Variants in SVEP1 observed in about 807,000 individuals in gnomAD.
The protein encoded by SVEP1 is sushi, von Willebrand factor type A, EGF and pentraxin domain containing 1.
SVEP1 carries 164 observed loss-of-function variants against 367.3 expected under a neutral mutation model. The ratio of observed to expected loss-of-function variants is 0.45; its 90% CI spans 0.39 to 0.51. The LOEUF is 0.51. Among genes scored for constraint, SVEP1 ranks in the 20% least tolerant of loss-of-function variants. SVEP1 has a pLI of 0.00. For synonymous variants in SVEP1, 1,666 were observed against 1,611.6 expected, an observed-to-expected ratio of 1.03 and a Z score of -0.81; for missense variants, 4,117 against 4,425.3, an observed-to-expected ratio of 0.93 and a Z score of 1.98.
chr9:110,430,547 T>A, intron 32 of SVEP1, 97 bp from the exon 33 acceptor site: 1 of 1,325,476 alleles, frequency 7.5e-7, no homozygotes, highest in Non-Finnish European at 1.0e-6. Context: ...AGAAACCTGT[T>A]AAAATCGCAA....
At chr9:110,447,955 G>C (rs554247112) in intron 24 of SVEP1, among the ~76,000 whole-genome samples, 1 of 119,742 alleles carries the variant, frequency 8.4e-6, no homozygotes, top group East Asian at 2.5e-4. Flanking sequence ...ATATCATGCT[G>C]AGTGGAAAAA....
chr9:110,378,435 A>T (rs1448423252), intron 44 of SVEP1, among the ~76,000 whole-genome samples: 1 of 152,116 alleles, frequency 6.6e-6, no homozygotes, highest in East Asian at 1.9e-4. Context: ...TTCACCAGTT[A>T]TTAAAGTCCA....
At position 110,411,088 on chromosome 9, in the gene SVEP1, G is replaced by A. The variant is rs766131428; in HGVS notation, c.6623C>T (p.Pro2208Leu). The A allele has an allele frequency of 3.1e-6, 5 of 1,598,666 alleles. No individual in the cohort carries two copies. Among genetic ancestry groups the A allele is most frequent in the Admixed American group, 1.7e-5 (1 of 58,664 alleles). ...TCHPVSCGEP[P>L]KVENGFLEHT... Reference sequence around the variant, plus strand: ...CTCCAGAAAGCCATTCTCAACCTTAGGTGGTTCACCACAAGATACCGGGTG... The same window carrying A: ...CTCCAGAAAGCCATTCTCAACCTTAAGTGGTTCACCACAAGATACCGGGTG... The change falls in exon 37 of 48, where the codon CCT becomes CTT. Residue 2208 changes from proline to leucine, a missense_variant. Transcript: ENST00000374469.
intron 5 of SVEP1, among the ~76,000 whole-genome samples, chr9:110,503,695 T>A (rs1829576305): frequency 6.6e-6 from 1 of 152,242 alleles, no homozygotes; most frequent in African/African-American, 2.4e-5. Context: ...TCTGCAAAGC[T>A]ACCCAACTTC....
At chr9:110,568,968 G>T (rs1170053023) in intron 1 of SVEP1, among the ~76,000 whole-genome samples, 5 of 146,422 alleles carry the variant, frequency 3.4e-5, no homozygotes, top group Non-Finnish European at 7.6e-5. Context: ...GGCATAATTT[G>T]TGACCCTGTA....
At chr9:110,474,524 T>G (rs1303087430) in intron 14 of SVEP1, among the ~76,000 whole-genome samples, 1 of 152,178 alleles carries the variant, frequency 6.6e-6, no homozygotes, top group South Asian at 2.1e-4. Flanking sequence ...GAATTGCCAT[T>G]TGGACCCTTA....
At chr9:110,487,147 G>T (rs1269367934) in intron 9 of SVEP1, among the ~76,000 whole-genome samples, 1 of 152,042 alleles carries the variant, frequency 6.6e-6, no homozygotes, top group Non-Finnish European at 1.5e-5. Context: ...GTAGAGATGG[G>T]GTTTCTTCAC....
At chr9:110,404,229 A>C in intron 39 of SVEP1, 98 bp downstream of exon 39, 2 of 1,198,458 alleles carry the variant, frequency 1.7e-6, no homozygotes, top group Non-Finnish European at 2.3e-6. Context: ...AAAACTTCAG[A>C]CTTTTTTTTC....
rs577858069 is a variant in SVEP1, at chr9:110,491,561, T to TATATATATATAAAA, written c.1801-1783_1801-1782insTTTTATATATATAT. Among the ~76,000 whole-genome samples, 802 of 150,968 alleles carry TATATATATATAAAA rather than the reference T, an allele frequency of 5.3e-3. 4 individuals are homozygous for TATATATATATAAAA. The highest frequency in any genetic ancestry group is 7.3e-3 in the Non-Finnish European group (496 of 67,670). ...AACCTATTTTAGTAACCTATTACTA[T>TATATATATATAAAA]ATATAGCATTACATATTTTATAGAA... On this transcript the variant is annotated intron_variant, in intron 8 of 47. Transcript: ENST00000374469.
chr9:110,515,296 A>ATT (rs56032828), intron 3 of SVEP1, among the ~76,000 whole-genome samples: 9 of 101,468 alleles, frequency 8.9e-5, no homozygotes, highest in Admixed American at 1.1e-4. Flanking sequence ...TTATGTGGGG[A>ATT]TTTTTTTTTT....
chr9:110,450,689 G>T (rs528003188), intron 23 of SVEP1, among the ~76,000 whole-genome samples: 1 of 151,694 alleles, frequency 6.6e-6, no homozygotes, highest in Admixed American at 6.6e-5. Flanking sequence ...TGGCCGAGGT[G>T]GTCTTGAAAT....
chr9:110,427,394 T>G (rs115671027), intron 36 of SVEP1, among the ~76,000 whole-genome samples, 197 bp downstream of exon 36: 73 of 151,920 alleles, frequency 4.8e-4, no homozygotes, highest in African/African-American at 1.7e-3. Context: ...TTTGATATAC[T>G]ACTCAAATTC....
chr9:110,423,184 G>GAAAAAAAAAAA (rs1404736217), intron 36 of SVEP1, among the ~76,000 whole-genome samples: 1 of 91,030 alleles, frequency 1.1e-5, no homozygotes, highest in Non-Finnish European at 2.2e-5. Flanking sequence ...AAAAAAAAAA[G>GAAAAAAAAAAA]AAAAAAAAAA....
intron 39 of SVEP1, among the ~76,000 whole-genome samples, chr9:110,403,318 TTTTTTG>T (rs1827897202): frequency 1.4e-5 from 2 of 141,132 alleles, no homozygotes; most frequent in African/African-American, 5.5e-5. Flanking sequence ...TTTTTTTTTT[TTTTTTG>T]ACACGGAGTA....
chr9:110,548,758 C>T (rs1820577405), intron 2 of SVEP1, among the ~76,000 whole-genome samples: 1 of 152,144 alleles, frequency 6.6e-6, no homozygotes, highest in African/African-American at 2.4e-5. Context: ...AAGCCCTGTC[C>T]TAAGTCCTTG....
rs779192069 is a variant in SVEP1, at chr9:110,458,457, C to T, written c.3576+14G>A. The T allele has an allele frequency of 2.4e-5, 38 of 1,606,372 alleles. No individual in the cohort carries two copies. Among genetic ancestry groups the T allele is most frequent in the Non-Finnish European group, 3.0e-5 (35 of 1,176,062 alleles). On this transcript the variant is annotated intron_variant, in intron 20 of 47. Transcript: ENST00000374469. ...GCATTCCACTAGAGAACAGTTTATG[C>T]AAAATGAACTTGCCTGACTGCTGAT...
At position 110,429,925 on chromosome 9, in the gene SVEP1, T is replaced by C. The variant is rs895324942; in HGVS notation, c.5610A>G (p.Thr1870=). The C allele has an allele frequency of 6.2e-6, 10 of 1,612,400 alleles. No homozygotes were observed. Among genetic ancestry groups the C allele is most frequent in the Non-Finnish European group, 8.5e-6 (10 of 1,179,468 alleles). ...ELAFTFGSKV[T]YRCNKGYTLA... is the part of the protein sequence containing the mutation. The stretch of plus-strand genomic sequence containing the variant: ...TTTTAATCTTAGATACTTACCTATA[T>C]GTCACTTTGCTGCCAAAAGTAAATG... Residue 1870 remains threonine, a synonymous_variant, in exon 34 of 48, where the codon ACA becomes ACG. Transcript: ENST00000374469.
intron 18 of SVEP1, 119 bp downstream of exon 18, chr9:110,465,746 G>T: frequency 7.9e-7 from 1 of 1,261,770 alleles, no homozygotes; most frequent in Non-Finnish European, 1.1e-6. Flanking sequence ...TTTATGAAGA[G>T]ACAGTTATTT....
At chr9:110,454,218 A>T (rs1410050623) in intron 22 of SVEP1, among the ~76,000 whole-genome samples, 1 of 152,100 alleles carries the variant, frequency 6.6e-6, no homozygotes, top group Non-Finnish European at 1.5e-5. Flanking sequence ...ATTTAATTAG[A>T]TCCCACTTGT....
Sources: gnomAD v4.1 joint callset for allele counts (sites outside exome capture counted in the v4.1 genomes callset) on GRCh38, gnomAD v4.1.1 for gene constraint, MANE v1.5 for transcripts, NCBI Gene and HGNC (gene_info 2026-07-23, HGNC 2026-07-21) for gene names.